The following GLIS3 variants were observed in gnomAD, a reference collection of about 807,000 sequenced individuals.
GLIS3 encodes the protein GLIS family zinc finger 3.
Under a neutral mutation model 78.6 loss-of-function variants are expected in GLIS3, and 53 were observed. The observed-to-expected ratio is 0.67, with a 90% CI of 0.54 to 0.85. The LOEUF is 0.85. Ranked by LOEUF, GLIS3 falls within the 40% of genes least tolerant of loss-of-function variation. The probability of loss-of-function intolerance (pLI) is 0.00; values close to 1 mark genes in which losing one functional copy is unlikely to be tolerated. For synonymous variants in GLIS3, 684 were observed against 509.9 expected, an observed-to-expected ratio of 1.34 and a Z score of -4.60; for missense variants, 1,703 against 1,231.1, an observed-to-expected ratio of 1.38 and a Z score of -5.74.
intron 2 of GLIS3, among the ~76,000 whole-genome samples, chr9:4,247,328 GATA>G (rs1260196796): frequency 6.6e-6 from 1 of 151,982 alleles, no homozygotes; most frequent in African/African-American, 2.4e-5. Flanking sequence ...TCAAATAAAG[GATA>G]ATAATCTCAT....
the GLIS3 span, among the ~76,000 whole-genome samples, chr9:4,397,096 G>C: frequency 7.1e-6 from 1 of 140,814 alleles, no homozygotes; most frequent in East Asian, 2.0e-4. Flanking sequence ...CGCGATCTTG[G>C]CTCACTGCAA....
chr9:3,846,467 G>A (rs193231382), intron 9 of GLIS3, among the ~76,000 whole-genome samples: 2 of 152,264 alleles, frequency 1.3e-5, no homozygotes, highest in East Asian at 1.9e-4. Flanking sequence ...CTGCAATGAC[G>A]TGAGCATCTA....
chr9:4,469,521 T>A, the GLIS3 span, among the ~76,000 whole-genome samples: 1 of 152,190 alleles, frequency 6.6e-6, no homozygotes, highest in Non-Finnish European at 1.5e-5. Flanking sequence ...CTGAACAACA[T>A]GCTACTGAAT....
chr9:4,169,029 G>C (rs550163399), intron 2 of GLIS3, among the ~76,000 whole-genome samples: 1 of 152,180 alleles, frequency 6.6e-6, no homozygotes, highest in South Asian at 2.1e-4. Flanking sequence ...TTTTCCTATG[G>C]GTCACAGATC....
intron 6 of GLIS3, among the ~76,000 whole-genome samples, chr9:3,932,127 GCTATAGCAGCTATGCAAA>G: frequency 1.3e-5 from 2 of 151,922 alleles, no homozygotes; most frequent in Non-Finnish European, 2.9e-5. Flanking sequence ...AATTTGCATA[GCTATAGCAGCTATGCAAA>G]CCATAGCCAT....
intron 4 of GLIS3, among the ~76,000 whole-genome samples, chr9:4,056,898 C>CTTTTTTTT (rs34752011): frequency 1.0e-5 from 1 of 98,060 alleles, no homozygotes. Context: ...CTTCAAGACA[C>CTTTTTTTT]TTTTTTTTTT....
chr9:4,211,171 G>C (rs1378112058), intron 2 of GLIS3, among the ~76,000 whole-genome samples: 1 of 152,222 alleles, frequency 6.6e-6, no homozygotes, highest in African/African-American at 2.4e-5. Flanking sequence ...TAACCTGTTT[G>C]CTGGACTATT....
chr9:4,362,016 C>T, the GLIS3 span, among the ~76,000 whole-genome samples: 2 of 152,276 alleles, frequency 1.3e-5, no homozygotes, highest in Middle Eastern at 3.4e-3. Context: ...TATCCTTTCC[C>T]TAGATTAGCA....
chr9:4,213,712 G>A lies in GLIS3; in HGVS notation c.388+72326C>T, dbSNP rs116478962. ...TGGCATGCGAAAAAGCACTAGGCAC[G>A]TAATAGAAACTTGATAAATATTTGG... On this transcript the variant is annotated intron_variant, in intron 2 of 10. Coordinates refer to ENST00000381971, the MANE Select transcript of GLIS3 (RefSeq NM_001042413.2). 5.4e-3 allele frequency among the ~76,000 whole-genome samples: 823 copies of A among 152,282 alleles called. 4 individuals carry two copies. The highest frequency in any genetic ancestry group is 0.018 in the African/African-American group (732 of 41,564).
At chr9:4,392,270 A>G in the GLIS3 span, among the ~76,000 whole-genome samples, 1 of 152,084 alleles carries the variant, frequency 6.6e-6, no homozygotes, top group East Asian at 1.9e-4. Context: ...GGAGAACATC[A>G]GGATAAATAG....
At chr9:3,986,271 T>A (rs757246866) in intron 4 of GLIS3, among the ~76,000 whole-genome samples, 21 of 152,034 alleles carry the variant, frequency 1.4e-4, no homozygotes, top group Non-Finnish European at 2.8e-4. Context: ...AGTTTAGGAG[T>A]CCATCATGAC....
intron 1 of GLIS3, among the ~76,000 whole-genome samples, chr9:4,289,745 T>C (rs1455721948): frequency 6.6e-6 from 1 of 152,128 alleles, no homozygotes; most frequent in Non-Finnish European, 1.5e-5. Flanking sequence ...CATTGTGGCA[T>C]AGCTAGAGTT....
intron 7 of GLIS3, among the ~76,000 whole-genome samples, chr9:3,896,085 T>C (rs998280434): frequency 6.6e-6 from 1 of 152,216 alleles, no homozygotes; most frequent in African/African-American, 2.4e-5. Flanking sequence ...AGATTTTACA[T>C]TTAACTAATT....
chr9:4,172,156 C>A (rs1373839928), intron 2 of GLIS3, among the ~76,000 whole-genome samples: 1 of 152,140 alleles, frequency 6.6e-6, no homozygotes. Context: ...CACATTCAGG[C>A]TTGGAATAAA....
chr9:4,487,768 A>C, the GLIS3 span, among the ~76,000 whole-genome samples: 1 of 151,722 alleles, frequency 6.6e-6, no homozygotes, highest in African/African-American at 2.4e-5. Context: ...GCTCCCTGCA[A>C]CCTCGAACTC....
chr9:4,415,345 T>G, the GLIS3 span, among the ~76,000 whole-genome samples: 4 of 152,324 alleles, frequency 2.6e-5, no homozygotes, highest in African/African-American at 9.6e-5. Context: ...ACCTCAACAT[T>G]ATTTTTCCAA....
chr9:4,477,107 G>C, the GLIS3 span, among the ~76,000 whole-genome samples: 2 of 151,986 alleles, frequency 1.3e-5, no homozygotes, highest in Non-Finnish European at 2.9e-5. Context: ...ACAAATACTT[G>C]TACGTCCATA....
chr9:4,442,677 A>G, the GLIS3 span, among the ~76,000 whole-genome samples: 1 of 152,092 alleles, frequency 6.6e-6, no homozygotes, highest in Non-Finnish European at 1.5e-5. Context: ...TGGTTAGACT[A>G]AGTTAATAAA....
intron 4 of GLIS3, among the ~76,000 whole-genome samples, chr9:4,037,373 G>C (rs767912532): frequency 6.6e-6 from 1 of 152,086 alleles, no homozygotes; most frequent in Non-Finnish European, 1.5e-5. Context: ...AAATAGGATG[G>C]TAAAAGTGTC....
Sources: gnomAD v4.1 joint callset for allele counts (sites outside exome capture counted in the v4.1 genomes callset) on GRCh38, gnomAD v4.1.1 for gene constraint, MANE v1.5 for transcripts, NCBI Gene and HGNC (gene_info 2026-07-23, HGNC 2026-07-21) for gene names.